Variants in CNR1 observed in about 807,000 individuals in gnomAD.
The protein encoded by CNR1 is cannabinoid receptor 1 (brain).
Under a neutral mutation model 23.0 loss-of-function variants are expected in CNR1, and 10 were observed. The observed-to-expected ratio is 0.43, with a 90% CI of 0.27 to 0.74. CNR1 has a LOEUF of 0.74. CNR1 is among the 30% of genes least tolerant of loss of function. The pLI, the probability that CNR1 is intolerant of heterozygous loss-of-function variation, is 0.19. For synonymous variants in CNR1, 271 were observed against 255.2 expected (o/e 1.06, Z -0.59); for missense variants, 422 against 618.8 (o/e 0.68, Z 3.37).
In CNR1 at chr6:88,143,839, C is replaced by T. The variant is rs1470490701; in HGVS notation, c.*17G>A. On this transcript the variant is annotated 3_prime_UTR_variant, in exon 2 of 2. Transcript: ENST00000369501. Reference sequence around the variant, plus strand: ...AAAAAAAAATTCTTTTCCTGTGCTGCCAGGGAGGCATCAGGCTCACAGAGC... The same window carrying T: ...AAAAAAAAATTCTTTTCCTGTGCTGTCAGGGAGGCATCAGGCTCACAGAGC... 1.2e-6 allele frequency: 2 copies of T among 1,600,012 alleles called. No homozygotes were observed. Among genetic ancestry groups the T allele is most frequent in the Non-Finnish European group, 1.7e-6 (2 of 1,169,600 alleles).
Position 88,145,240 on chromosome 6 carries a change from G to T in CNR1, c.35C>A (p.Thr12Asn). ...GAGGTCAGTGGTGATGGTGCGGAAG[G>T]TGGTATCTGCAAGGCCATCTAGGAT... ...KSILDGLADT[T>N]FRTITTDLLY... Residue 12 changes from threonine to asparagine, a missense_variant, in exon 2 of 2, where the codon ACC becomes AAC. Physicochemically the swap from Thr to Asn is moderately conservative, Grantham distance 65. Transcript: ENST00000369501. 1 of 1,613,918 alleles carries T rather than the reference G, an allele frequency of 6.2e-7. No homozygotes were observed. Among genetic ancestry groups the T allele is most frequent in the Non-Finnish European group, 8.5e-7 (1 of 1,179,878 alleles).
rs193267974 is a variant in CNR1 at position 88,140,691 on chromosome 6, C to T, written c.*3165G>A. The T allele has an allele frequency of 1.3e-5, 2 of 152,362 alleles. No individual in the cohort carries two copies. Among genetic ancestry groups the T allele is most frequent in the East Asian group, 3.8e-4 (2 of 5,326 alleles). 9.4% of individuals were successfully genotyped at this position (152,362 alleles called of 1,614,324 possible). On this transcript the variant is annotated 3_prime_UTR_variant, in exon 2 of 2. Transcript: ENST00000369501. ...TTAATCAACAGGACAGTAACTATAG[C>T]GCTACTCATCCAGGGCCTAATTCTC...
At chr6:88,161,410 T>C (rs1778099630) in intron 1 of CNR1, among the ~76,000 whole-genome samples, 2 of 152,234 alleles carry the variant, frequency 1.3e-5, no homozygotes, top group Admixed American at 1.3e-4. Context: ...ATTAAGTTAT[T>C]AGCTTAACCT....
intron 1 of CNR1, among the ~76,000 whole-genome samples, chr6:88,151,533 T>C (rs1399371426): frequency 6.6e-6 from 1 of 152,144 alleles, no homozygotes; most frequent in East Asian, 1.9e-4. Flanking sequence ...GCAGAACTGA[T>C]CTGAAATTAG....
At chr6:88,160,435 CTT>C (rs1220920560) in intron 1 of CNR1, among the ~76,000 whole-genome samples, 22 of 135,102 alleles carry the variant, frequency 1.6e-4, no homozygotes, top group Non-Finnish European at 1.3e-4. Flanking sequence ...TTTTTCTTTT[CTT>C]TTTTTTTTTT....
intron 1 of CNR1, among the ~76,000 whole-genome samples, chr6:88,152,770 G>A (rs767052164): frequency 1.1e-4 from 17 of 152,138 alleles, no homozygotes; most frequent in Non-Finnish European, 2.5e-4. Flanking sequence ...TCTACATTTG[G>A]ATTATTACAG....
At chr6:88,160,725 G>A (rs759359193) in intron 1 of CNR1, among the ~76,000 whole-genome samples, 14 of 152,238 alleles carry the variant, frequency 9.2e-5, no homozygotes, top group Non-Finnish European at 1.2e-4. Context: ...GTGAGCTACC[G>A]CGCCTGGACT....
Position 88,144,204 on chromosome 6 carries a change from G to A in CNR1, c.1071C>T (p.Gly357=), listed in dbSNP as rs760257711. Residue 357 remains glycine (G), a synonymous_variant, in exon 2 of 2, where the codon GGC becomes GGT. Transcript: ENST00000369501. The surrounding 1 kb of genome is among the most constrained non-coding windows in gnomAD (Gnocchi z 7.8). ...CATACACCATGATTGCAAGCAGAGG[G>A]CCCCAGCAGATGATCAACACCACCA... The part of the protein sequence containing the change: ...LILVVLIICW[G]PLLAIMVYDV... 5.6e-6 allele frequency: 9 copies of A among 1,612,544 alleles called. No individual in the cohort carries two copies. In the East Asian group the frequency reaches 1.8e-4, roughly 32 times the overall value.
At chr6:88,156,049 C>A (rs532373419) in intron 1 of CNR1, among the ~76,000 whole-genome samples, 1 of 152,230 alleles carries the variant, frequency 6.6e-6, no homozygotes, top group South Asian at 2.1e-4. Flanking sequence ...CCACCATGAG[C>A]CATGAGGTTT....
rs1241081573 is a variant in CNR1 at position 88,166,285 on chromosome 6, G to C, written c.-546C>G. On this transcript the variant is annotated 5_prime_UTR_variant, in exon 1 of 2. Coordinates refer to ENST00000369501, the MANE Select transcript of CNR1 (RefSeq NM_016083.6). ...TGGGGCCGCCCGTCTCCGCCAGCCC[G>C]GGCGCCCGTCGCCTCGTCCCGCTCG... 1 of 152,370 alleles carries C rather than the reference G, an allele frequency of 6.6e-6. No individual in the cohort carries two copies. The highest frequency in any genetic ancestry group is 1.5e-5 in the Non-Finnish European group (1 of 68,274). The allele number at this position is 152,370 out of a possible 1,614,324, so 9.4% of individuals were successfully genotyped here. A position where few individuals can be genotyped will look rare whatever the true frequency, so the allele number is the denominator to read the frequency against.
intron 1 of CNR1, among the ~76,000 whole-genome samples, chr6:88,158,095 G>A (rs576245701): frequency 2.6e-5 from 4 of 152,282 alleles, no homozygotes; most frequent in Admixed American, 2.0e-4. Context: ...GACATAAACA[G>A]AAAAATATGC....
At chr6:88,157,490 C>T (rs1777864507) in intron 1 of CNR1, among the ~76,000 whole-genome samples, 1 of 152,160 alleles carries the variant, frequency 6.6e-6, no homozygotes, top group African/African-American at 2.4e-5. Flanking sequence ...TGGGTTATTA[C>T]TACTGCCTAT....
At position 88,143,521 on chromosome 6, in the gene CNR1, G is replaced by A; in HGVS notation, c.*335C>T. 4.2e-6 allele frequency: 1 copy of A among 236,464 alleles called. No individual in the cohort carries two copies. The highest frequency in any genetic ancestry group is 8.3e-6 in the Non-Finnish European group (1 of 120,984). The allele number at this position is 236,464 out of a possible 1,614,324, so 14.6% of individuals were successfully genotyped here. A position where few individuals can be genotyped will look rare whatever the true frequency, so the allele number is the denominator to read the frequency against. ...ATTTCACATTATAGTGAAAGTTGTG[G>A]TTACAAAGGCATTATTCATTTGATG... On this transcript the variant is annotated 3_prime_UTR_variant, in exon 2 of 2. Coordinates refer to ENST00000369501, the MANE Select transcript of CNR1 (RefSeq NM_016083.6).
upstream of CNR1, among the ~76,000 whole-genome samples, chr6:88,167,004 G>C (rs1778396718): frequency 6.6e-6 from 1 of 151,878 alleles, no homozygotes; most frequent in Non-Finnish European, 1.5e-5. Context: ...TCCGCCCTCG[G>C]GGCGCCGCCC....
chr6:88,146,394 C>G (rs1486606134), intron 1 of CNR1, among the ~76,000 whole-genome samples: 2 of 152,222 alleles, frequency 1.3e-5, no homozygotes, highest in East Asian at 3.9e-4. Flanking sequence ...GTGTGAGCCA[C>G]TGTGCCCGGC....
At chr6:88,163,073 C>T (rs1383308857) in intron 1 of CNR1, 2 of 152,186 alleles carry the variant, frequency 1.3e-5, no homozygotes, top group African/African-American at 4.8e-5. Flanking sequence ...CTTTAGGTTA[C>T]TGCCTGTTAT....
intron 1 of CNR1, among the ~76,000 whole-genome samples, chr6:88,162,397 A>G (rs1292014824): frequency 2.0e-5 from 3 of 152,230 alleles, no homozygotes; most frequent in African/African-American, 4.8e-5. Flanking sequence ...GATATTATAC[A>G]TATATTCTGG....
In CNR1 at chr6:88,144,228, C is replaced by T; in HGVS notation, c.1047G>A (p.Leu349=). The part of the protein sequence containing the change: ...IRLAKTLVLI[L]VVLIICWGPL... The stretch of plus-strand genomic sequence containing the variant: ...GGCCCCAGCAGATGATCAACACCAC[C>T]AGGATCAGGACCAGGGTCTTGGCTA... The change falls in exon 2 of 2, where the codon CTG becomes CTA. Residue 349 remains leucine, a synonymous_variant. Transcript: ENST00000369501. This position sits in a 1 kb window ranked among gnomAD's most constrained non-coding sequence, Gnocchi z 7.8. The T allele has an allele frequency of 6.2e-7, 1 of 1,611,792 alleles. No individual in the cohort carries two copies. Among genetic ancestry groups the T allele is most frequent in the Non-Finnish European group, 8.5e-7 (1 of 1,179,976 alleles).
chr6:88,152,170 C>G (rs556532328), intron 1 of CNR1, among the ~76,000 whole-genome samples: 121 of 148,062 alleles, frequency 8.2e-4, no homozygotes, highest in African/African-American at 2.7e-3. Flanking sequence ...AGCCGAGATC[C>G]CGCCACTGCA....
Sources: gnomAD v4.1 joint callset for allele counts (sites outside exome capture counted in the v4.1 genomes callset) on GRCh38, gnomAD v4.1.1 for gene constraint, Gnocchi (gnomAD v3.1) non-coding constraint, MANE v1.5 for transcripts, NCBI Gene and HGNC (gene_info 2026-07-23, HGNC 2026-07-21) for gene names.